The following PPP3CC variants were observed in gnomAD, a reference collection of about 807,000 sequenced individuals.
The protein encoded by PPP3CC is protein phosphatase 3 catalytic subunit gamma, also known as serine/threonine-protein phosphatase 2B catalytic subunit gamma isoform.
Under a neutral mutation model 60.3 loss-of-function variants are expected in PPP3CC, and 35 were observed. That is an observed-to-expected ratio of 0.58 (90% confidence interval 0.44 to 0.77). The LOEUF is 0.77. PPP3CC is among the 30% of genes least tolerant of loss of function. The pLI, the probability that PPP3CC is intolerant of heterozygous loss-of-function variation, is 0.00. For synonymous variants in PPP3CC, 206 were observed against 224.3 expected, an observed-to-expected ratio of 0.92 and a Z score of 0.73; for missense variants, 570 against 628.9, an observed-to-expected ratio of 0.91 and a Z score of 1.00.
intron 1 of PPP3CC, among the ~76,000 whole-genome samples, chr8:22,460,859 T>G (rs979745417): frequency 6.6e-6 from 1 of 152,056 alleles, no homozygotes; most frequent in African/African-American, 2.4e-5. Context: ...ATTTATTTAT[T>G]TTTTGAGATA....
intron 5 of PPP3CC, 86 bp from the exon 6 acceptor site, chr8:22,513,207 A>C (rs1300454507): frequency 2.2e-6 from 3 of 1,351,380 alleles, no homozygotes; most frequent in Non-Finnish European, 3.0e-6. Flanking sequence ...TTGTGGGTGA[A>C]AGGGGTTTTT....
At chr8:22,503,761 T>A (rs1838830943) in intron 4 of PPP3CC, among the ~76,000 whole-genome samples, 1 of 152,248 alleles carries the variant, frequency 6.6e-6, no homozygotes, top group African/African-American at 2.4e-5. Context: ...TAGTTAAACC[T>A]GATGGCTTTC....
chr8:22,480,980 C>A (rs1403809834), intron 3 of PPP3CC, among the ~76,000 whole-genome samples: 1 of 152,130 alleles, frequency 6.6e-6, no homozygotes, highest in East Asian at 1.9e-4. Flanking sequence ...GGACGTTTGT[C>A]AAAGATGTCA....
At chr8:22,485,686 T>C (rs1196678291) in intron 3 of PPP3CC, among the ~76,000 whole-genome samples, 2 of 152,208 alleles carry the variant, frequency 1.3e-5, no homozygotes, top group Admixed American at 6.5e-5. Context: ...CAAAGTCAAA[T>C]GAAACACAGA....
chr8:22,444,512 C>G (rs1836767475), intron 1 of PPP3CC, among the ~76,000 whole-genome samples: 1 of 152,204 alleles, frequency 6.6e-6, no homozygotes, highest in South Asian at 2.1e-4. Context: ...AATACCTATT[C>G]TACAGCATAA....
intron 12 of PPP3CC, among the ~76,000 whole-genome samples, chr8:22,535,224 C>T (rs2117155493): frequency 6.6e-6 from 1 of 152,282 alleles, no homozygotes; most frequent in Non-Finnish European, 1.5e-5. Flanking sequence ...CCTCTTCAAT[C>T]AGAGTACCAA....
At chr8:22,453,393 C>T (rs921908260) in intron 1 of PPP3CC, among the ~76,000 whole-genome samples, 1 of 152,124 alleles carries the variant, frequency 6.6e-6, no homozygotes, top group African/African-American at 2.4e-5. Flanking sequence ...CATCCTTAGG[C>T]GATTTCATCA....
intron 4 of PPP3CC, among the ~76,000 whole-genome samples, chr8:22,502,288 G>GTAA: frequency 6.6e-6 from 1 of 152,186 alleles, no homozygotes; most frequent in African/African-American, 2.4e-5. Context: ...AGTGTTAATT[G>GTAA]TAACAACAAC....
intron 4 of PPP3CC, among the ~76,000 whole-genome samples, chr8:22,509,063 A>G (rs570549584): frequency 6.6e-6 from 1 of 152,286 alleles, no homozygotes; most frequent in African/African-American, 2.4e-5. Flanking sequence ...TCAAACCCTA[A>G]TCACCCAGTA....
intron 3 of PPP3CC, among the ~76,000 whole-genome samples, chr8:22,485,003 A>G (rs928905658): frequency 1.3e-5 from 2 of 152,192 alleles, no homozygotes; most frequent in African/African-American, 4.8e-5. Flanking sequence ...CAAAATATCA[A>G]TGAGATACGC....
At chr8:22,519,336 T>A (rs1302385998) in intron 6 of PPP3CC, among the ~76,000 whole-genome samples, 2 of 152,244 alleles carry the variant, frequency 1.3e-5, no homozygotes, top group Non-Finnish European at 2.9e-5. Context: ...CATTCACTCA[T>A]ACTATATCTT....
At chr8:22,454,315 A>G (rs1837125540) in intron 1 of PPP3CC, among the ~76,000 whole-genome samples, 1 of 151,932 alleles carries the variant, frequency 6.6e-6, no homozygotes, top group African/African-American at 2.4e-5. Flanking sequence ...TTCTACCTCC[A>G]CCTCCTGTCC....
At chr8:22,477,808 A>G (rs539725146) in intron 3 of PPP3CC, among the ~76,000 whole-genome samples, 2 of 151,746 alleles carry the variant, frequency 1.3e-5, no homozygotes, top group African/African-American at 4.9e-5. Context: ...CTGGCTAGTC[A>G]TTGTATTTAA....
intron 4 of PPP3CC, among the ~76,000 whole-genome samples, chr8:22,502,750 A>G (rs1486453150): frequency 2.0e-5 from 3 of 152,212 alleles, no homozygotes; most frequent in Non-Finnish European, 4.4e-5. Flanking sequence ...ATGCTAAGAT[A>G]TTTTATAAGG....
intron 1 of PPP3CC, 125 bp downstream of exon 1, chr8:22,441,583 G>T (rs1563656254): frequency 9.4e-7 from 1 of 1,069,002 alleles, no homozygotes; most frequent in South Asian, 2.6e-5. Flanking sequence ...GAGGGGTGTA[G>T]ACAGAGCCGG....
intron 1 of PPP3CC, among the ~76,000 whole-genome samples, chr8:22,451,656 C>T (rs982073566): frequency 2.0e-5 from 3 of 152,356 alleles, no homozygotes; most frequent in Non-Finnish European, 2.9e-5. Context: ...TGTGATATAT[C>T]TTTTCCATGC....
intron 3 of PPP3CC, among the ~76,000 whole-genome samples, chr8:22,496,570 T>G (rs1838593766): frequency 7.3e-6 from 1 of 136,846 alleles, no homozygotes; most frequent in Non-Finnish European, 1.5e-5. Flanking sequence ...TGATCTTGGC[T>G]CACTGCAACC....
intron 1 of PPP3CC, among the ~76,000 whole-genome samples, chr8:22,455,448 G>A (rs912980867): frequency 6.6e-6 from 1 of 152,120 alleles, no homozygotes; most frequent in African/African-American, 2.4e-5. Context: ...GCCTGAAGAG[G>A]TAAGACTTTT....
intron 3 of PPP3CC, among the ~76,000 whole-genome samples, chr8:22,478,568 A>G (rs1003122775): frequency 3.3e-5 from 5 of 152,222 alleles, no homozygotes; most frequent in Admixed American, 6.5e-5. Flanking sequence ...GCACATAGAA[A>G]ATATCAACAA....
Sources: allele counts gnomAD v4.1 joint callset (sites outside exome capture counted in the v4.1 genomes callset), GRCh38; gene constraint gnomAD v4.1.1; transcripts MANE v1.5; gene names NCBI Gene and HGNC (gene_info 2026-07-23, HGNC 2026-07-21).